STX8: variants seen among roughly 807,000 people sequenced by gnomAD.
STX8 encodes the protein syntaxin 8, also known as syntaxin-8.
A neutral mutation model predicts 37.5 loss-of-function variants in STX8; 23 were observed. The observed-to-expected ratio is 0.61, with a 90% CI of 0.44 to 0.87. The LOEUF (loss-of-function observed/expected upper bound fraction) is 0.87, where lower values mean the gene tolerates loss of function less well. STX8 is among the 40% of genes least tolerant of loss of function. The pLI is 0.00. For missense variants in STX8, 313 were observed against 284.7 expected, an observed-to-expected ratio of 1.10 and a Z score of -0.71; for synonymous variants, 115 against 99.1, an observed-to-expected ratio of 1.16 and a Z score of -0.95.
intron 6 of STX8, among the ~76,000 whole-genome samples, chr17:9,415,027 G>A (rs1241208175): frequency 2.0e-5 from 3 of 151,832 alleles, no homozygotes; most frequent in East Asian, 1.9e-4. Flanking sequence ...CTGACCTCAG[G>A]TGGCCCACCC....
chr17:9,416,374 A>ATTTTTTTT (rs535117460), intron 6 of STX8, among the ~76,000 whole-genome samples: 33 of 145,958 alleles, frequency 2.3e-4, no homozygotes, highest in African/African-American at 8.3e-4. Context: ...TTGTAGTTTA[A>ATTTTTTTT]TTTTTTTTTT....
chr17:9,374,923 G>T lies in STX8; in HGVS notation c.643+3629C>A, dbSNP rs190754891. ...TACTAAAAATACAAAAATTAGCTGG[G>T]TGTGGTGGTGCACGCCTTAATCCCA... On this transcript the variant is annotated intron_variant, in intron 7 of 7. Transcript: ENST00000306357. 2.7e-3 allele frequency among the ~76,000 whole-genome samples: 411 copies of T among 151,832 alleles called. 3 individuals are homozygous for T. The highest frequency in any genetic ancestry group is 9.5e-3 in the African/African-American group (394 of 41,418).
intron 7 of STX8, among the ~76,000 whole-genome samples, chr17:9,317,569 T>C (rs1263533325): frequency 6.6e-6 from 1 of 151,958 alleles, no homozygotes. Context: ...ATCGAGACCA[T>C]CCTGGCTAAC....
intron 7 of STX8, among the ~76,000 whole-genome samples, chr17:9,337,295 C>CAA (rs1910169065): frequency 6.6e-6 from 1 of 152,036 alleles, no homozygotes; most frequent in Non-Finnish European, 1.5e-5. Flanking sequence ...TAACTTATTT[C>CAA]AATGTCCATA....
intron 2 of STX8, among the ~76,000 whole-genome samples, chr17:9,561,708 T>TA (rs918586471): frequency 1.4e-5 from 2 of 142,622 alleles, no homozygotes; most frequent in Non-Finnish European, 3.1e-5. Flanking sequence ...CAAGACTTAA[T>TA]AAAAAATGCA....
intron 2 of STX8, 112 bp from the exon 3 acceptor site, chr17:9,557,640 A>C: frequency 3.4e-6 from 3 of 892,194 alleles, no homozygotes; most frequent in Non-Finnish European, 5.3e-6. Context: ...CAAGGGCTGG[A>C]AGAGATAGAT....
chr17:9,356,959 A>ATTTTTTTTTTTT (rs1468764432), intron 7 of STX8, among the ~76,000 whole-genome samples: 1 of 77,474 alleles, frequency 1.3e-5, no homozygotes, highest in African/African-American at 4.5e-5. Flanking sequence ...TCCTTTTAAC[A>ATTTTTTTTTTTT]GTTTTTTTTT....
At chr17:9,534,516 C>T (rs200595777) in intron 4 of STX8, among the ~76,000 whole-genome samples, 1 of 152,152 alleles carries the variant, frequency 6.6e-6, no homozygotes, top group Non-Finnish European at 1.5e-5. Flanking sequence ...CTCGGCCAGG[C>T]GTGGTGGCTC....
At chr17:9,430,601 T>C (rs1247814414) in intron 6 of STX8, among the ~76,000 whole-genome samples, 1 of 152,078 alleles carries the variant, frequency 6.6e-6, no homozygotes, top group Non-Finnish European at 1.5e-5. Context: ...TACTACAACT[T>C]GTTTACACAT....
intron 7 of STX8, among the ~76,000 whole-genome samples, chr17:9,325,207 G>A (rs1352763017): frequency 6.6e-6 from 1 of 152,098 alleles, no homozygotes; most frequent in African/African-American, 2.4e-5. Context: ...TCAACTTAAC[G>A]ATATTTTCAA....
intron 6 of STX8, among the ~76,000 whole-genome samples, chr17:9,384,987 TAAAACCTAGAACTGTA>T (rs1160007611): frequency 2.4e-4 from 35 of 148,550 alleles, no homozygotes; most frequent in Admixed American, 2.1e-3. Flanking sequence ...GACTTAACTG[TAAAACCTAGAACTGTA>T]AAGCTTCTAA....
chr17:9,262,425 C>T (rs1043793136), intron 7 of STX8, among the ~76,000 whole-genome samples: 7 of 152,154 alleles, frequency 4.6e-5, no homozygotes, highest in African/African-American at 9.7e-5. Context: ...AAACTTAGCT[C>T]GGGAGGTCCC....
intron 3 of STX8, chr17:9,556,748 AAAATATATATATATAT>A (rs1323493756): frequency 2.1e-5 from 2 of 95,518 alleles, no homozygotes; most frequent in East Asian, 5.7e-4. Context: ...ATGAATTTCT[AAAATATATATATATAT>A]ATATATATAT....
At chr17:9,526,383 C>T (rs545657661) in intron 4 of STX8, among the ~76,000 whole-genome samples, 34 of 152,208 alleles carry the variant, frequency 2.2e-4, no homozygotes, top group African/African-American at 7.9e-4. Flanking sequence ...CTAAGACCGC[C>T]CCCACCCGCC....
At chr17:9,364,633 C>T (rs1420967245) in intron 7 of STX8, among the ~76,000 whole-genome samples, 9 of 151,962 alleles carry the variant, frequency 5.9e-5, no homozygotes, top group African/African-American at 1.2e-4. Context: ...TGGGTTCAAG[C>T]GATTCTCCTG....
Position 9,401,183 on chromosome 17 carries a change from A to G in STX8, c.542-22530T>C, listed in dbSNP as rs559975444. Among the ~76,000 whole-genome samples, 5 of 152,350 alleles carry G rather than the reference A, an allele frequency of 3.3e-5. No individual in the cohort carries two copies. The South Asian group carries it at 1.0e-3, about 32-fold the overall frequency. ...CAAATTCTTATAGTTAGAACAAAGT[A>G]TTTAAATCTAAAAATAATTAGAGAT... On this transcript the variant is annotated intron_variant, in intron 6 of 7. Transcript: ENST00000306357.
chr17:9,547,133 A>T (rs1597735938), intron 3 of STX8, among the ~76,000 whole-genome samples: 1 of 151,816 alleles, frequency 6.6e-6, no homozygotes, highest in East Asian at 2.0e-4. Context: ...CTGTAGTCCC[A>T]GCTACTCGGG....
intron 4 of STX8, among the ~76,000 whole-genome samples, chr17:9,522,625 T>C (rs1411020889): frequency 1.3e-5 from 2 of 149,200 alleles, no homozygotes; most frequent in African/African-American, 5.0e-5. Flanking sequence ...GGCAGGAGAA[T>C]GGCGTGAACC....
intron 5 of STX8, among the ~76,000 whole-genome samples, chr17:9,498,317 G>A (rs1049144566): frequency 2.6e-5 from 4 of 151,788 alleles, no homozygotes; most frequent in African/African-American, 9.7e-5. Flanking sequence ...TTGAACCCAG[G>A]AGATGGAGGT....
Sources: allele counts gnomAD v4.1 joint callset (sites outside exome capture counted in the v4.1 genomes callset), GRCh38; gene constraint gnomAD v4.1.1; transcripts MANE v1.5; gene names NCBI Gene and HGNC (gene_info 2026-07-23, HGNC 2026-07-21).